Variants in PTPRE observed in about 807,000 individuals in gnomAD.
PTPRE encodes the protein receptor-type tyrosine-protein phosphatase epsilon.
PTPRE carries 51 observed loss-of-function variants against 102.0 expected under a neutral mutation model. The ratio of observed to expected loss-of-function variants is 0.50; its 90% confidence interval spans 0.40 to 0.63. PTPRE has a LOEUF of 0.63. PTPRE is among the 30% of genes least tolerant of loss of function. PTPRE has a pLI of 0.00. For synonymous variants in PTPRE, 345 were observed against 348.2 expected, an observed-to-expected ratio of 0.99 and a Z score of 0.10; for missense variants, 752 against 915.1, an observed-to-expected ratio of 0.82 and a Z score of 2.30.
At position 127,958,674 on chromosome 10, in the gene PTPRE, C is replaced by T. The variant is rs1007794153; in HGVS notation, c.-30-23600C>T. 3.3e-5 allele frequency among the ~76,000 whole-genome samples: 5 copies of T among 151,794 alleles called. No individual in the cohort carries two copies. In the South Asian group the frequency reaches 6.2e-4, roughly 19 times the overall value. On this transcript the variant is annotated intron_variant, in intron 1 of 20. Transcript: ENST00000254667. ...TGTTGTTGTTTTTTTTCTTGGAATGCCTTTGGTTTTGGTATTGAGGGTAAT... is the reference window on the plus strand; with the variant it reads ...TGTTGTTGTTTTTTTTCTTGGAATGTCTTTGGTTTTGGTATTGAGGGTAAT...
intron 1 of PTPRE, chr10:127,934,852 A>G (rs1436473404): frequency 6.6e-6 from 1 of 152,246 alleles, no homozygotes; most frequent in African/African-American, 2.4e-5. Context: ...TCCGTGAGCC[A>G]CGGCCTCAGG....
chr10:128,074,859 GC>G (rs1238579825), intron 17 of PTPRE, among the ~76,000 whole-genome samples: 2 of 152,094 alleles, frequency 1.3e-5, no homozygotes, highest in African/African-American at 2.4e-5. Context: ...CTCAGTAGCT[GC>G]CCCATTTTAC....
chr10:128,085,081 G>T lies in PTPRE; in HGVS notation c.*2175G>T. 2.2e-6 allele frequency: 1 copy of T among 456,084 alleles called. No homozygotes were observed. The allele number at this position is 456,084 out of a possible 1,614,324, so 28.3% of individuals were successfully genotyped here. A position where few individuals can be genotyped will look rare whatever the true frequency, so the allele number is the denominator to read the frequency against. ...AACTTTTTCCATTCCAGGAACAAAG[G>T]AGAAGCCACTTTCCCCAGGACGCAA... On this transcript the variant is annotated 3_prime_UTR_variant, in exon 21 of 21. Transcript: ENST00000254667.
At chr10:127,997,857 T>C (rs1853432539) in intron 2 of PTPRE, among the ~76,000 whole-genome samples, 2 of 152,250 alleles carry the variant, frequency 1.3e-5, no homozygotes, top group Non-Finnish European at 2.9e-5. Context: ...TATTTTAAGA[T>C]GATCTTTCTG....
intron 1 of PTPRE, among the ~76,000 whole-genome samples, chr10:127,922,844 C>T (rs1364715226): frequency 1.3e-5 from 2 of 152,226 alleles, no homozygotes; most frequent in African/African-American, 4.8e-5. Context: ...CCCATCTTCC[C>T]TCCCCCTCTG....
At position 127,976,669 on chromosome 10, in the gene PTPRE, T is replaced by C. The variant is rs768321920; in HGVS notation, c.-30-5605T>C. 3.9e-5 allele frequency among the ~76,000 whole-genome samples: 6 copies of C among 152,346 alleles called. No homozygotes were observed. In the East Asian group the frequency reaches 5.8e-4, roughly 15 times the overall value. On this transcript the variant is annotated intron_variant, in intron 1 of 20. Coordinates refer to ENST00000254667, the MANE Select transcript of PTPRE (RefSeq NM_006504.6). ...GATTTCATCTCCTTTTCAAGGTGGTTTAACGCTGTGGGGAAGGCAGGATAA... is the reference window on the plus strand; with the variant it reads ...GATTTCATCTCCTTTTCAAGGTGGTCTAACGCTGTGGGGAAGGCAGGATAA...
At chr10:128,049,343 C>G (rs115882057) in intron 5 of PTPRE, among the ~76,000 whole-genome samples, 187 bp from the exon 6 acceptor site, 1 of 152,120 alleles carries the variant, frequency 6.6e-6, no homozygotes, top group Non-Finnish European at 1.5e-5. Context: ...GATGTGGATG[C>G]CTCACAGGAG....
chr10:128,060,893 G>A (rs1450285109), intron 7 of PTPRE, 46 bp from the exon 8 acceptor site: 1 of 1,569,740 alleles, frequency 6.4e-7, no homozygotes, highest in Non-Finnish European at 8.8e-7. Context: ...ACAGCACTGT[G>A]ATTCCTGGTC....
At chr10:128,021,004 T>TCTC (rs1845832116) in intron 2 of PTPRE, among the ~76,000 whole-genome samples, 1 of 151,918 alleles carries the variant, frequency 6.6e-6, no homozygotes, top group Non-Finnish European at 1.5e-5. Context: ...TTCACGCCAT[T>TCTC]CTGCCTCAGC....
intron 9 of PTPRE, 129 bp downstream of exon 9, chr10:128,061,844 G>A (rs1013082935): frequency 2.7e-5 from 31 of 1,128,614 alleles, no homozygotes; most frequent in African/African-American, 6.3e-5. Flanking sequence ...TAACAGACAC[G>A]TTAGATATCC....
rs183390967 is a variant in PTPRE, at chr10:127,915,639, A to G, written c.-31+8330A>G. 1.3e-3 allele frequency among the ~76,000 whole-genome samples: 198 copies of G among 152,338 alleles called. 1 individual carries two copies. Among genetic ancestry groups the G allele is most frequent in the African/African-American group, 4.6e-3 (191 of 41,578 alleles). ...AAATGCAAGAGCCAGAAATTTAATAATTTTGTACTGTGTTGTGCCAAGCCA... is the reference window on the plus strand; with the variant it reads ...AAATGCAAGAGCCAGAAATTTAATAGTTTTGTACTGTGTTGTGCCAAGCCA... On this transcript the variant is annotated intron_variant, in intron 1 of 20. Transcript: ENST00000254667.
intron 2 of PTPRE, among the ~76,000 whole-genome samples, chr10:128,009,173 A>G (rs1372277709): frequency 2.0e-5 from 3 of 152,202 alleles, no homozygotes; most frequent in Non-Finnish European, 4.4e-5. Context: ...CTGGAGGTTC[A>G]TATCTTTGGG....
At chr10:127,926,102 C>T (rs761631104) in intron 1 of PTPRE, among the ~76,000 whole-genome samples, 1 of 152,176 alleles carries the variant, frequency 6.6e-6, no homozygotes, top group Non-Finnish European at 1.5e-5. Context: ...CTATTTCTTT[C>T]AAGATTAGGA....
At chr10:128,067,516 G>A (rs1408181871) in intron 11 of PTPRE, among the ~76,000 whole-genome samples, 20 of 150,174 alleles carry the variant, frequency 1.3e-4, no homozygotes, top group East Asian at 4.0e-4. Flanking sequence ...ACATACATGC[G>A]CACACATGCA....
At chr10:128,001,390 C>T (rs950995517) in intron 2 of PTPRE, among the ~76,000 whole-genome samples, 2 of 150,942 alleles carry the variant, frequency 1.3e-5, no homozygotes, top group Admixed American at 6.6e-5. Flanking sequence ...ACGGCTAGGG[C>T]GCCGGAACTT....
intron 17 of PTPRE, 146 bp from the exon 18 acceptor site, chr10:128,076,457 G>A (rs1242955728): frequency 6.7e-6 from 5 of 750,092 alleles, no homozygotes; most frequent in Admixed American, 3.7e-5. Flanking sequence ...AGCATTAACA[G>A]GCATTTATAT....
Position 128,082,824 on chromosome 10 carries a change from C to T in PTPRE, c.2029-8C>T. 2 of 1,550,450 alleles carry T rather than the reference C, an allele frequency of 1.3e-6. No individual in the cohort carries two copies. The highest frequency in any genetic ancestry group is 8.6e-7 in the Non-Finnish European group (1 of 1,159,916). ...ATCATTTTAATGTGTCCTTGTTTGT[C>T]TTTTCAGGAACAGTATGAATTCTGC... On this transcript the variant is annotated splice_polypyrimidine_tract_variant and splice_region_variant and intron_variant, in intron 20 of 20. Coordinates refer to ENST00000254667, the MANE Select transcript of PTPRE (RefSeq NM_006504.6).
At chr10:128,067,489 T>C (rs1049582474) in intron 11 of PTPRE, among the ~76,000 whole-genome samples, 1 of 145,854 alleles carries the variant, frequency 6.9e-6, no homozygotes, top group Non-Finnish European at 1.5e-5. Context: ...CGTGCGCACA[T>C]ACACACATTC....
At chr10:127,963,582 C>CGAAAGTG (rs1849997819) in intron 1 of PTPRE, among the ~76,000 whole-genome samples, 1 of 152,084 alleles carries the variant, frequency 6.6e-6, no homozygotes, top group African/African-American at 2.4e-5. Flanking sequence ...GTTGAGACAT[C>CGAAAGTG]GAAAGTGGGC....
Sources: allele counts gnomAD v4.1 joint callset (sites outside exome capture counted in the v4.1 genomes callset), GRCh38; gene constraint gnomAD v4.1.1; transcripts MANE v1.5; gene names NCBI Gene and HGNC (gene_info 2026-07-23, HGNC 2026-07-21).